The following DLG2 variants were observed in gnomAD, a reference collection of about 807,000 sequenced individuals.
DLG2 encodes the protein discs large MAGUK scaffold protein 2, also known as disks large homolog 2.
A neutral mutation model predicts 132.5 loss-of-function variants in DLG2; 45 were observed. That is an observed-to-expected ratio of 0.34 (90% confidence interval 0.27 to 0.44). The LOEUF (loss-of-function observed/expected upper bound fraction) is 0.44. Among genes scored for constraint, DLG2 ranks in the 20% least tolerant of loss-of-function variants. The probability of loss-of-function intolerance (pLI) is 1.00; values close to 1 mark genes in which losing one functional copy is unlikely to be tolerated. For synonymous variants in DLG2, 424 were observed against 419.6 expected (o/e 1.01, Z -0.13); for missense variants, 1,045 against 1,196.9 (o/e 0.87, Z 1.87).
At chr11:84,520,330 G>A (rs1157373239) in intron 7 of DLG2, among the ~76,000 whole-genome samples, 1 of 152,102 alleles carries the variant, frequency 6.6e-6, no homozygotes, top group Non-Finnish European at 1.5e-5. Flanking sequence ...AGCCTTTGAT[G>A]TTCCCATTTG....
At chr11:83,833,807 A>T in intron 16 of DLG2, 37 bp from the exon 17 acceptor site, 1 of 1,596,480 alleles carries the variant, frequency 6.3e-7, no homozygotes, top group South Asian at 1.1e-5. Flanking sequence ...TCAGAGGGTG[A>T]TCCATTTAAG....
At chr11:83,802,313 C>T (rs2044637149) in intron 17 of DLG2, among the ~76,000 whole-genome samples, 1 of 152,038 alleles carries the variant, frequency 6.6e-6, no homozygotes, top group Non-Finnish European at 1.5e-5. Flanking sequence ...AAATTCCTAC[C>T]CTTCAAGATC....
intron 6 of DLG2, among the ~76,000 whole-genome samples, chr11:84,790,221 C>G (rs1307973544): frequency 6.6e-6 from 1 of 152,070 alleles, no homozygotes; most frequent in Non-Finnish European, 1.5e-5. Flanking sequence ...GGAGAGTTCT[C>G]TTTTCCACTG....
At position 84,650,849 on chromosome 11, in the gene DLG2, A is replaced by ATG. The variant is rs138640341; in HGVS notation, c.358-116120_358-116119dup. Among the ~76,000 whole-genome samples, 736 of 92,694 alleles carry ATG rather than the reference A, an allele frequency of 7.9e-3. 3 individuals carry two copies. Among genetic ancestry groups the ATG allele is most frequent in the East Asian group, 0.011 (39 of 3,508 alleles). 60.8% of individuals were successfully genotyped at this position (92,694 alleles called of 152,430 possible). A position where few individuals can be genotyped will look rare whatever the true frequency, so the allele number is the denominator to read the frequency against. On this transcript the variant is annotated intron_variant, in intron 6 of 27. Transcript: ENST00000376104. ...GAAAAGTTATAATAAACTTTCCTGT[A>ATG]TGTGTGTGTGTGTGTGTGTGTGTGT...
chr11:83,604,723 T>C (rs182302546), intron 19 of DLG2, among the ~76,000 whole-genome samples: 5 of 152,212 alleles, frequency 3.3e-5, no homozygotes, highest in African/African-American at 9.6e-5. Context: ...ATTTTGATAA[T>C]GGGGGTGGCT....
chr11:84,064,140 T>G (rs2096635159), intron 10 of DLG2, among the ~76,000 whole-genome samples: 2 of 151,900 alleles, frequency 1.3e-5, no homozygotes, highest in South Asian at 4.1e-4. Context: ...ACAAAAAAAT[T>G]TTTCCGCCAT....
chr11:85,265,160 T>C (rs575472138), intron 4 of DLG2, among the ~76,000 whole-genome samples: 2 of 152,318 alleles, frequency 1.3e-5, no homozygotes, highest in South Asian at 4.1e-4. Flanking sequence ...TCCTATCATA[T>C]GGACAAATGC....
At chr11:84,267,210 G>C (rs573147489) in intron 7 of DLG2, among the ~76,000 whole-genome samples, 1 of 137,658 alleles carries the variant, frequency 7.3e-6, no homozygotes. Flanking sequence ...TGTTGGTATT[G>C]TGATGATTGC....
At chr11:83,602,814 C>T (rs2058756664) in intron 19 of DLG2, among the ~76,000 whole-genome samples, 1 of 151,904 alleles carries the variant, frequency 6.6e-6, no homozygotes, top group South Asian at 2.1e-4. Flanking sequence ...ATATTGCTGA[C>T]AAAATTAGTT....
intron 6 of DLG2, among the ~76,000 whole-genome samples, chr11:84,739,294 A>G (rs1299432934): frequency 1.3e-5 from 2 of 152,232 alleles, no homozygotes; most frequent in African/African-American, 4.8e-5. Flanking sequence ...TTACTAAATT[A>G]AACACCAATG....
chr11:83,690,687 TG>T (rs565253053), intron 18 of DLG2, among the ~76,000 whole-genome samples: 11 of 44,322 alleles, frequency 2.5e-4, no homozygotes, highest in Middle Eastern at 0.012. Context: ...TGGGTGGGGG[TG>T]GGGGGGGTGT....
chr11:85,539,955 G>A (rs374497852), intron 3 of DLG2, among the ~76,000 whole-genome samples: 3 of 152,174 alleles, frequency 2.0e-5, no homozygotes, highest in South Asian at 2.1e-4. Flanking sequence ...CCTAGTTTGC[G>A]AGTGCAAAAA....
At chr11:84,387,526 T>C (rs555392017) in intron 7 of DLG2, among the ~76,000 whole-genome samples, 37 of 152,252 alleles carry the variant, frequency 2.4e-4, no homozygotes, top group Middle Eastern at 3.4e-3. Flanking sequence ...ATCTTTAATA[T>C]AGAAACATGT....
chr11:85,477,455 T>C (rs1198298624), intron 3 of DLG2, among the ~76,000 whole-genome samples: 2 of 152,220 alleles, frequency 1.3e-5, no homozygotes, highest in Non-Finnish European at 2.9e-5. Context: ...TGACCATAGG[T>C]AATAACCATG....
At chr11:84,650,881 A>ATATATACATATATAC (rs1555136013) in intron 6 of DLG2, among the ~76,000 whole-genome samples, 1 of 125,706 alleles carries the variant, frequency 8.0e-6, no homozygotes, top group Non-Finnish European at 1.7e-5. Context: ...GTGTATATAT[A>ATATATACATATATAC]TATATATATA....
At chr11:84,114,955 C>T (rs2093561464) in intron 9 of DLG2, among the ~76,000 whole-genome samples, 2 of 152,122 alleles carry the variant, frequency 1.3e-5, no homozygotes, top group South Asian at 2.1e-4. Flanking sequence ...CAGGAGTGAG[C>T]CACCTCACCT....
chr11:83,572,096 T>G (rs912496009), intron 19 of DLG2, among the ~76,000 whole-genome samples: 1 of 152,120 alleles, frequency 6.6e-6, no homozygotes, highest in Non-Finnish European at 1.5e-5. Context: ...TCTTTGGCTT[T>G]ATATTTTTCT....
chr11:85,095,365 G>A (rs78924500), intron 6 of DLG2, among the ~76,000 whole-genome samples: 8 of 152,232 alleles, frequency 5.3e-5, no homozygotes, highest in East Asian at 1.9e-4. Flanking sequence ...TAAAGTGAAG[G>A]TGCAATAAAA....
chr11:85,181,228 GTATATGTGTATATATATGTGTA>G (rs965560524), intron 4 of DLG2, among the ~76,000 whole-genome samples: 40 of 151,294 alleles, frequency 2.6e-4, no homozygotes, highest in Admixed American at 9.3e-4. Flanking sequence ...ATACGTATAT[GTATATGTGTATATATATGTGTA>G]TATATGTGTA....
Sources: gnomAD v4.1 joint callset for allele counts (sites outside exome capture counted in the v4.1 genomes callset) on GRCh38, gnomAD v4.1.1 for gene constraint, MANE v1.5 for transcripts, NCBI Gene and HGNC (gene_info 2026-07-23, HGNC 2026-07-21) for gene names.